The following ABCA6 variants were observed in gnomAD, a reference collection of about 807,000 sequenced individuals.
ABCA6 encodes ATP binding cassette subfamily A member 6.
A neutral mutation model predicts 191.2 loss-of-function variants in ABCA6; 164 were observed. The ratio of observed to expected loss-of-function variants is 0.86; its 90% CI spans 0.76 to 0.98. The LOEUF (loss-of-function observed/expected upper bound fraction) is 0.98. ABCA6 is among the 50% of genes least tolerant of loss of function. The probability of loss-of-function intolerance (pLI) is 0.00; values close to 1 mark genes in which losing one functional copy is unlikely to be tolerated. For synonymous variants in ABCA6, 636 were observed against 647.7 expected (o/e 0.98, Z 0.27); for missense variants, 1,958 against 1,894.1 (o/e 1.03, Z -0.63).
intron 30 of ABCA6, among the ~76,000 whole-genome samples, chr17:69,085,991 G>C (rs1046966340): frequency 3.3e-5 from 5 of 151,970 alleles, no homozygotes; most frequent in East Asian, 1.9e-4. Context: ...ACTGTTTTCC[G>C]TAATAGATGG....
intron 11 of ABCA6, among the ~76,000 whole-genome samples, chr17:69,116,581 G>C (rs1413584670): frequency 1.3e-5 from 2 of 152,058 alleles, no homozygotes; most frequent in African/African-American, 4.8e-5. Context: ...GTTCATTCTA[G>C]TATTTTTTAT....
At chr17:69,119,962 T>G (rs560623096) in intron 10 of ABCA6, among the ~76,000 whole-genome samples, 1 of 152,220 alleles carries the variant, frequency 6.6e-6, no homozygotes, top group African/African-American at 2.4e-5. Context: ...GTTATCACTA[T>G]GAATACACCC....
chr17:69,079,871 T>C (rs2072588160), intron 37 of ABCA6, among the ~76,000 whole-genome samples: 1 of 152,202 alleles, frequency 6.6e-6, no homozygotes, highest in East Asian at 1.9e-4. Flanking sequence ...AAGCACTGCA[T>C]ATATGATAAA....
Position 69,085,112 on chromosome 17 carries a change from G to T in ABCA6, c.4100C>A (p.Pro1367His), listed in dbSNP as rs1175329718. 1 of 1,613,418 alleles carries T rather than the reference G, an allele frequency of 6.2e-7. No individual in the cohort carries two copies. Among genetic ancestry groups the T allele is most frequent in the Non-Finnish European group, 8.5e-7 (1 of 1,179,742 alleles). ...CAGGTGTTCCCTCAACGTCAGCATG[G>T]GCCACAGCACGTTCTCTTGAGGGCA... Reference protein sequence around the residue: ...GYCPQENVLWPMLTLREHLEV... With the variant: ...GYCPQENVLWHMLTLREHLEV... The change falls in exon 32 of 39, where the codon CCC becomes CAC. Residue 1367 changes from proline to histidine, a missense_variant. Physicochemically the swap from Pro to His is moderately conservative, Grantham distance 77. Coordinates refer to ENST00000284425, the MANE Select transcript of ABCA6 (RefSeq NM_080284.3).
intron 8 of ABCA6, among the ~76,000 whole-genome samples, chr17:69,127,790 A>T (rs534113900): frequency 6.6e-6 from 1 of 152,250 alleles, no homozygotes; most frequent in South Asian, 2.1e-4. Context: ...GAACAGAATG[A>T]AATGTCCATA....
chr17:69,095,896 C>T (rs1192109390), intron 25 of ABCA6, among the ~76,000 whole-genome samples: 2 of 152,066 alleles, frequency 1.3e-5, no homozygotes, highest in Non-Finnish European at 2.9e-5. Flanking sequence ...TTAAGAGAGA[C>T]CTTCTTGAAG....
chr17:69,104,656 GA>G lies in ABCA6; in HGVS notation c.2740+805del, dbSNP rs1456288398. 16 of 18,504 alleles carry G rather than the reference GA, an allele frequency of 8.6e-4. No individual in the cohort carries two copies. The East Asian group carries it at 0.049, about 57-fold the overall frequency. The allele number at this position is 18,504 out of a possible 1,614,324, so 1.1% of individuals were successfully genotyped here. On this transcript the variant is annotated intron_variant, in intron 20 of 38. Transcript: ENST00000284425. ...TCTTCAAAGTTAATTAAGCGGTTAG[GA>G]AAAAAACAAAAAAACAAAAAAACAA...
chr17:69,122,128 T>C (rs2073659447), intron 10 of ABCA6, among the ~76,000 whole-genome samples: 1 of 152,036 alleles, frequency 6.6e-6, no homozygotes, highest in Non-Finnish European at 1.5e-5. Context: ...ACAATTCCAG[T>C]TCCCCACTTG....
intron 2 of ABCA6, 36 bp downstream of exon 2, chr17:69,140,572 T>C (rs1247525109): frequency 7.3e-7 from 1 of 1,372,268 alleles, no homozygotes; most frequent in Non-Finnish European, 1.0e-6. Context: ...ACTGTAAGAG[T>C]GCTAACCGTG....
At chr17:69,137,807 T>C (rs77880725) in intron 2 of ABCA6, among the ~76,000 whole-genome samples, 3,928 of 152,256 alleles carry the variant, frequency 0.026, 202 homozygotes, top group East Asian at 0.13. Context: ...CAGCTGACTA[T>C]AGAATTTATA....
intron 19 of ABCA6, 39 bp downstream of exon 19, chr17:69,105,989 A>T (rs1391652624): frequency 1.3e-6 from 2 of 1,532,878 alleles, no homozygotes; most frequent in South Asian, 2.6e-5. Context: ...CTCTTTTGAA[A>T]TTCATGATCT....
At chr17:69,086,913 G>A (rs1311541326) in intron 29 of ABCA6, among the ~76,000 whole-genome samples, 178 bp from the exon 30 acceptor site, 2 of 152,168 alleles carry the variant, frequency 1.3e-5, no homozygotes, top group Non-Finnish European at 2.9e-5. Context: ...TAAATAGACT[G>A]AGTTTCATGG....
At chr17:69,098,546 A>C (rs1469173655) in intron 22 of ABCA6, 1 of 145,684 alleles carries the variant, frequency 6.9e-6, no homozygotes, top group Non-Finnish European at 1.5e-5. Flanking sequence ...AATCGCTTGA[A>C]TCTGGGAGGC....
At chr17:69,084,953 T>G (rs981580543) in intron 32 of ABCA6, 75 bp downstream of exon 32, 2 of 1,491,696 alleles carry the variant, frequency 1.3e-6, no homozygotes, top group African/African-American at 1.4e-5. Flanking sequence ...TCTCGGTTCT[T>G]TATTAGTGAA....
At chr17:69,081,508 T>C (rs1242779548) in intron 36 of ABCA6, among the ~76,000 whole-genome samples, 1 of 152,242 alleles carries the variant, frequency 6.6e-6, no homozygotes, top group African/African-American at 2.4e-5. Flanking sequence ...TGTTTTGTTT[T>C]TTTTAATGAA....
intron 17 of ABCA6, chr17:69,110,422 A>G (rs1291962387): frequency 5.3e-6 from 1 of 189,854 alleles, no homozygotes. Flanking sequence ...GCATCCCTTA[A>G]TCAACAATGG....
chr17:69,116,088 T>C (rs996959703), intron 11 of ABCA6, among the ~76,000 whole-genome samples: 9 of 152,112 alleles, frequency 5.9e-5, no homozygotes, highest in South Asian at 2.1e-4. Flanking sequence ...AACTCCTGAG[T>C]TTAAGCAATA....
Position 69,091,190 on chromosome 17 carries a change from A to C in ABCA6, c.3481T>G (p.Leu1161Val), listed in dbSNP as rs2072913967. 6.2e-7 allele frequency: 1 copy of C among 1,612,134 alleles called. No individual in the cohort carries two copies. The highest frequency in any genetic ancestry group is 1.3e-5 in the African/African-American group (1 of 75,014). ...DLSILITTMVLVPSYTLLGFK... is the reference protein window; with the variant it reads ...DLSILITTMVVVPSYTLLGFK... Reference sequence around the variant, plus strand: ...CCAAGCAAGGTATATGAAGGAACCAATACCATGGTGGTAATCAATATACTT... The same window carrying C: ...CCAAGCAAGGTATATGAAGGAACCACTACCATGGTGGTAATCAATATACTT... Residue 1161 changes from leucine (L) to valine (V), a missense_variant, in exon 26 of 39, where the codon TTG (leucine) becomes GTG (valine). By Grantham distance (32) the Leu-to-Val change is conservative. Transcript: ENST00000284425.
chr17:69,097,120 T>C (rs1465354304), intron 23 of ABCA6, among the ~76,000 whole-genome samples: 3 of 152,178 alleles, frequency 2.0e-5, no homozygotes, highest in African/African-American at 7.2e-5. Context: ...TTGGCCAGCA[T>C]GGTGGCTCAC....
Sources: gnomAD v4.1 joint callset for allele counts (sites outside exome capture counted in the v4.1 genomes callset) on GRCh38, gnomAD v4.1.1 for gene constraint, MANE v1.5 for transcripts, NCBI Gene and HGNC (gene_info 2026-07-23, HGNC 2026-07-21) for gene names.